Variants in UTRN observed in about 807,000 individuals in gnomAD.
The protein encoded by UTRN is utrophin.
UTRN carries 283 observed loss-of-function variants against 463.9 expected under a neutral mutation model. That is an observed-to-expected ratio of 0.61 (90% confidence interval 0.55 to 0.67). The LOEUF is 0.67. Among genes scored for constraint, UTRN ranks in the 30% least tolerant of loss-of-function variants. The pLI is 0.00. For synonymous variants in UTRN, 1,442 were observed against 1,431.5 expected (o/e 1.01, Z -0.17); for missense variants, 3,922 against 4,084.3 (o/e 0.96, Z 1.08).
chr6:144,638,006 A>G (rs1331336119), intron 51 of UTRN, among the ~76,000 whole-genome samples: 1 of 152,244 alleles, frequency 6.6e-6, no homozygotes, highest in Non-Finnish European at 1.5e-5. Flanking sequence ...TGCATCAGAC[A>G]TTGTTAGACA....
At chr6:144,807,471 T>TC (rs1355729576) in intron 65 of UTRN, among the ~76,000 whole-genome samples, 2 of 152,106 alleles carry the variant, frequency 1.3e-5, no homozygotes, top group Non-Finnish European at 2.9e-5. Flanking sequence ...TTGTCTTATT[T>TC]CCCCCTACTA....
Position 144,406,992 on chromosome 6 carries a change from C to T in UTRN, c.141+3808C>T, listed in dbSNP as rs138915425. ...TTTGCACACAGTCCTTTCTCTATCT[C>T]TTCCTGGCCAGCTCCTACCCCTTCC... On this transcript the variant is annotated intron_variant, in intron 3 of 74. Coordinates refer to ENST00000367545, the MANE Select transcript of UTRN (RefSeq NM_007124.3). Among the ~76,000 whole-genome samples, 704 of 152,050 alleles carry T rather than the reference C, an allele frequency of 4.6e-3. 8 individuals carry two copies. The highest frequency in any genetic ancestry group is 0.016 in the African/African-American group (670 of 41,510).
intron 53 of UTRN, among the ~76,000 whole-genome samples, chr6:144,724,009 C>CAA (rs59598919): frequency 7.0e-4 from 41 of 58,694 alleles, no homozygotes; most frequent in Non-Finnish European, 8.4e-4. Flanking sequence ...GACTCCATCT[C>CAA]AAAAAAAAAA....
intron 52 of UTRN, among the ~76,000 whole-genome samples, chr6:144,682,150 C>T (rs892753410): frequency 1.3e-5 from 2 of 152,242 alleles, no homozygotes; most frequent in East Asian, 3.9e-4. Flanking sequence ...CCTGCCCCAC[C>T]AACTACCCTT....
intron 64 of UTRN, among the ~76,000 whole-genome samples, chr6:144,802,362 A>G (rs1008116025): frequency 1.3e-5 from 2 of 152,018 alleles, no homozygotes; most frequent in African/African-American, 4.8e-5. Flanking sequence ...TTTTGCTTCC[A>G]TTTTCATTCT....
intron 2 of UTRN, among the ~76,000 whole-genome samples, chr6:144,344,876 A>T (rs1357520046): frequency 1.3e-5 from 2 of 152,248 alleles, no homozygotes; most frequent in African/African-American, 4.8e-5. Flanking sequence ...AACTTCATGC[A>T]GGGAAAGTGT....
In UTRN at chr6:144,403,132, A is replaced by G. The variant is rs751278723; in HGVS notation, c.89A>G (p.Asn30Ser). 1.4e-5 allele frequency: 22 copies of G among 1,613,238 alleles called. No individual in the cohort carries two copies. Among genetic ancestry groups the G allele is most frequent in the South Asian group, 1.1e-5 (1 of 91,054 alleles). Residue 30 changes from asparagine (N) to serine (S), a missense_variant, in exon 3 of 75, where the codon AAT becomes AGT. Physicochemically the swap from Asn to Ser is conservative, Grantham distance 46 (BLOSUM62 1). Around this residue, in one of 3 missense-constraint regions of UTRN, gnomAD observed 264 missense variants for 327.9 expected, o/e 0.81. Coordinates refer to ENST00000367545, the MANE Select transcript of UTRN (RefSeq NM_007124.3). ...TTTTTCCATTCCACAGATGAACACA[A>G]TGACGTACAGAAGAAAACCTTTACC... is the stretch of plus-strand genomic sequence containing the variant. ...DIIKSRSDEHNDVQKKTFTKW... is the reference protein window; with the variant it reads ...DIIKSRSDEHSDVQKKTFTKW...
At chr6:144,617,814 C>G (rs1250521565) in intron 51 of UTRN, among the ~76,000 whole-genome samples, 1 of 152,136 alleles carries the variant, frequency 6.6e-6, no homozygotes, top group Non-Finnish European at 1.5e-5. Flanking sequence ...TACTGTTCTA[C>G]CGGGGAGTAT....
chr6:144,585,184 G>A (rs1178508762), intron 51 of UTRN, among the ~76,000 whole-genome samples: 1 of 152,030 alleles, frequency 6.6e-6, no homozygotes, highest in African/African-American at 2.4e-5. Context: ...TGAAGTCATT[G>A]GATAAATTAC....
intron 2 of UTRN, among the ~76,000 whole-genome samples, chr6:144,361,224 C>A (rs762892100): frequency 3.9e-5 from 6 of 152,174 alleles, no homozygotes; most frequent in African/African-American, 1.4e-4. Context: ...TTTCTTTACA[C>A]CATAGTTTGA....
At chr6:144,675,015 G>A (rs1238155955) in intron 51 of UTRN, among the ~76,000 whole-genome samples, 2 of 152,200 alleles carry the variant, frequency 1.3e-5, no homozygotes, top group Non-Finnish European at 2.9e-5. Flanking sequence ...TCTTTTGAGT[G>A]TGTTATAGAA....
intron 53 of UTRN, among the ~76,000 whole-genome samples, chr6:144,728,782 T>A (rs1562827101): frequency 6.6e-6 from 1 of 152,238 alleles, no homozygotes; most frequent in African/African-American, 2.4e-5. Flanking sequence ...TGGTTCACTT[T>A]GCTCGTTCAT....
chr6:144,704,291 C>G lies in UTRN; in HGVS notation c.7809+4048C>G, dbSNP rs569315815. Among the ~76,000 whole-genome samples, 35 of 152,206 alleles carry G rather than the reference C, an allele frequency of 2.3e-4. No individual in the cohort carries two copies. In the South Asian group the frequency reaches 5.0e-3, roughly 22 times the overall value. On this transcript the variant is annotated intron_variant, in intron 53 of 74. Transcript: ENST00000367545. Reference sequence around the variant, plus strand: ...GCCACCTTTTTCACCCTATCTTTTTCTTTAGCTGCCTTCCAAAAATGGACA... The same window carrying G: ...GCCACCTTTTTCACCCTATCTTTTTGTTTAGCTGCCTTCCAAAAATGGACA...
intron 41 of UTRN, among the ~76,000 whole-genome samples, chr6:144,530,476 A>G (rs556385697): frequency 1.3e-5 from 2 of 152,204 alleles, no homozygotes; most frequent in Non-Finnish European, 2.9e-5. Context: ...AGTATATAAC[A>G]TATAGATAGA....
intron 23 of UTRN, among the ~76,000 whole-genome samples, chr6:144,469,838 A>T (rs1278952039): frequency 6.6e-6 from 1 of 151,784 alleles, no homozygotes; most frequent in Non-Finnish European, 1.5e-5. Flanking sequence ...TCCTAGGCAG[A>T]GGGCCCTGCC....
intron 51 of UTRN, among the ~76,000 whole-genome samples, chr6:144,650,602 T>G (rs1470290181): frequency 1.3e-5 from 2 of 152,220 alleles, no homozygotes; most frequent in Non-Finnish European, 1.5e-5. Context: ...TATTATTCAA[T>G]CTGGCTTTTA....
intron 30 of UTRN, among the ~76,000 whole-genome samples, chr6:144,489,746 C>A (rs766218517): frequency 1.3e-5 from 2 of 151,980 alleles, no homozygotes; most frequent in Admixed American, 6.6e-5. Context: ...CTCAGCCTCC[C>A]GAGTAGCTGG....
rs183695654 is a variant in UTRN at position 144,632,362 on chromosome 6, C to T, written c.7480-46044C>T. On this transcript the variant is annotated intron_variant, in intron 51 of 74. Coordinates refer to ENST00000367545, the MANE Select transcript of UTRN (RefSeq NM_007124.3). ...ACGTTTGTGAATATGGCTGGAGAGT[C>T]TCAGTAAGATGGGGGACATCTCCTC... Among the ~76,000 whole-genome samples the T allele has an allele frequency of 1.1e-4, 17 of 152,202 alleles. No individual in the cohort carries two copies. In the East Asian group the frequency reaches 2.9e-3, roughly 26 times the overall value.
rs1208061146 is a variant in UTRN at position 144,514,029 on chromosome 6, A to G, written c.5065A>G (p.Ile1689Val). ...GAAACCAACAAGTAAACAGGAAGAA[A>G]TTGTGAAGGTAGCAAACACAGACAT... ...EKKPTSKQEE[I>V]VKRLVSELDD... The change falls in exon 36 of 75, where the codon ATT becomes GTT. Residue 1689 changes from isoleucine (I) to valine (V), a missense_variant. This residue lies in a region of UTRN where 2,349 missense variants were observed against 2,303.8 expected (regional missense o/e 1.02). Coordinates refer to ENST00000367545, the MANE Select transcript of UTRN (RefSeq NM_007124.3). 5 of 1,613,772 alleles carry G rather than the reference A, an allele frequency of 3.1e-6. No homozygotes were observed. Among genetic ancestry groups the G allele is most frequent in the Non-Finnish European group, 4.2e-6 (5 of 1,179,860 alleles).
Sources: allele counts gnomAD v4.1 joint callset (sites outside exome capture counted in the v4.1 genomes callset), GRCh38; gene constraint gnomAD v4.1.1; regional missense constraint gnomAD v4.1.1; transcripts MANE v1.5; gene names NCBI Gene and HGNC (gene_info 2026-07-23, HGNC 2026-07-21).